LONRF3: variants seen among roughly 807,000 people sequenced by gnomAD.
LONRF3 encodes the protein LON peptidase N-terminal domain and RING finger protein 3.
LONRF3 carries 19 observed loss-of-function variants against 51.7 expected under a neutral mutation model. The observed-to-expected ratio is 0.37, with a 90% CI of 0.26 to 0.54. LONRF3 has a LOEUF of 0.54. Ranked by LOEUF, LONRF3 falls within the 20% of genes least tolerant of loss-of-function variation. LONRF3 has a pLI of 0.86. For synonymous variants in LONRF3, 265 were observed against 257.8 expected (o/e 1.03, Z -0.27); for missense variants, 521 against 623.9 (o/e 0.84, Z 1.76).
rs138746007 is a variant in LONRF3 at position 118,988,657 on chromosome X, G to A, written c.1060-751G>A. On this transcript the variant is annotated intron_variant, in intron 3 of 10. Coordinates refer to ENST00000371628, the MANE Select transcript of LONRF3 (RefSeq NM_001031855.3). ...ACCTATGGACTATGGGTTTAGATTA[G>A]AGAGGGGTTCTCCATGTAAATCTGC... is the stretch of plus-strand genomic sequence containing the variant. Among the ~76,000 whole-genome samples the A allele has an allele frequency of 6.6e-4, 74 of 111,484 alleles. 1 individual carries two copies. The highest frequency in any genetic ancestry group is 2.3e-3 in the African/African-American group (69 of 30,663).
chrX:119,003,871 G>C (rs1170363357), intron 5 of LONRF3, among the ~76,000 whole-genome samples: 4 of 112,388 alleles, frequency 3.6e-5, no homozygotes, highest in African/African-American at 1.3e-4. Flanking sequence ...ACTGTTGTTA[G>C]ATTTCTTCCT....
At position 118,975,444 on chromosome X, in the gene LONRF3, C is replaced by T; in HGVS notation, c.664C>T (p.Pro222Ser). ...ARRAGQQPPPPLRVNVVLSGL... is the reference protein window; with the variant it reads ...ARRAGQQPPPSLRVNVVLSGL... ...GCGGGCTGGGCAGCAGCCGCCGCCG[C>T]CGCTGCGAGTCAACGTGGTGCTCAG... The change falls in exon 1 of 11, where the codon CCG becomes TCG. Residue 222 changes from proline to serine, a missense_variant. Physicochemically the swap from Pro to Ser is moderately conservative, Grantham distance 74 (BLOSUM62 -1). Around this residue, in one of 2 missense-constraint regions of LONRF3, gnomAD observed 376 missense variants for 376.7 expected, o/e 1.00. Transcript: ENST00000371628. The T allele has an allele frequency of 1.7e-6, 2 of 1,188,711 alleles. No individual in the cohort carries two copies. The highest frequency in any genetic ancestry group is 1.1e-6 in the Non-Finnish European group (1 of 884,484).
chrX:119,004,573 C>T (rs1924575252), intron 5 of LONRF3, among the ~76,000 whole-genome samples: 1 of 112,354 alleles, frequency 8.9e-6, no homozygotes, highest in African/African-American at 3.2e-5. Flanking sequence ...TGATGCCTGT[C>T]CTGTACACTG....
At chrX:119,016,603 C>T (rs1925481140) in intron 10 of LONRF3, among the ~76,000 whole-genome samples, 2 of 111,762 alleles carry the variant, frequency 1.8e-5, no homozygotes. Context: ...CGCTGGCCTC[C>T]CAAAGTGCTG....
chrX:118,978,617 G>A (rs1248706938), intron 2 of LONRF3, among the ~76,000 whole-genome samples, 154 bp downstream of exon 2: 1 of 111,036 alleles, frequency 9.0e-6, no homozygotes, highest in Non-Finnish European at 1.9e-5. Context: ...TGGGCAAAGA[G>A]TGACTCAGGT....
intron 8 of LONRF3, among the ~76,000 whole-genome samples, 180 bp downstream of exon 8, chrX:119,012,153 A>G (rs1925156566): frequency 9.0e-6 from 1 of 110,721 alleles, no homozygotes; most frequent in Non-Finnish European, 1.9e-5. Flanking sequence ...GAGGCTGTCT[A>G]TTTAAAGAAC....
rs1921826457 is a variant in LONRF3 at position 118,974,630 on chromosome X, G to A, written c.-151G>A. The A allele has an allele frequency of 4.3e-6, 2 of 468,741 alleles. No individual in the cohort carries two copies. Among genetic ancestry groups the A allele is most frequent in the South Asian group, 3.4e-5 (1 of 29,744 alleles). 38.6% of individuals were successfully genotyped at this position (468,741 alleles called of 1,213,427 possible). Reference sequence around the variant, plus strand: ...AGACAAGACAGTTATTAGGCGGCGCGGGGCGGCCGGCATGGAGCTCCCGGA... The same window carrying A: ...AGACAAGACAGTTATTAGGCGGCGCAGGGCGGCCGGCATGGAGCTCCCGGA... On this transcript the variant is annotated 5_prime_UTR_variant, in exon 1 of 11. Transcript: ENST00000371628.
At chrX:119,008,933 C>T (rs1217039012) in intron 6 of LONRF3, among the ~76,000 whole-genome samples, 193 bp from the exon 7 acceptor site, 1 of 111,721 alleles carries the variant, frequency 9.0e-6, no homozygotes, top group Non-Finnish European at 1.9e-5. Context: ...TAATCAATTG[C>T]ATGTGTGTTT....
At chrX:119,004,418 A>G (rs1308973968) in intron 5 of LONRF3, among the ~76,000 whole-genome samples, 2 of 112,459 alleles carry the variant, frequency 1.8e-5, no homozygotes, top group African/African-American at 3.2e-5. Context: ...TTCACAATGT[A>G]TGGGTTTTTT....
chrX:119,013,432 T>C (rs1455113820), intron 9 of LONRF3, among the ~76,000 whole-genome samples: 1 of 112,401 alleles, frequency 8.9e-6, no homozygotes, highest in Admixed American at 9.4e-5. Flanking sequence ...GCATAGGAAA[T>C]GTTATCCTAG....
intron 5 of LONRF3, among the ~76,000 whole-genome samples, chrX:119,005,144 ACT>A (rs1011597457): frequency 8.1e-5 from 9 of 110,973 alleles, no homozygotes; most frequent in Admixed American, 2.9e-4. Context: ...GCAGCCTCTG[ACT>A]CTCCACTGAA....
Position 118,983,549 on chromosome X carries a change from A to G in LONRF3, c.1059+606A>G, listed in dbSNP as rs907797. 7.1e-5 allele frequency among the ~76,000 whole-genome samples: 8 copies of G among 112,768 alleles called. No individual in the cohort carries two copies. The Admixed American group carries it at 7.5e-4, about 11-fold the overall frequency. ...CTCTTGGGTCCCAGCAGAATGTGGT[A>G]GTTATAAAAGAAAAATGGTGTGAAA... On this transcript the variant is annotated intron_variant, in intron 3 of 10. Coordinates refer to ENST00000371628, the MANE Select transcript of LONRF3 (RefSeq NM_001031855.3).
chrX:118,979,099 C>T (rs1922340390), intron 2 of LONRF3, among the ~76,000 whole-genome samples: 1 of 104,026 alleles, frequency 9.6e-6, no homozygotes, highest in Admixed American at 1.0e-4. Flanking sequence ...CTCCTGGGTT[C>T]ACGCCATTCT....
intron 9 of LONRF3, 113 bp downstream of exon 9, chrX:119,013,314 C>A: frequency 2.6e-6 from 2 of 770,688 alleles, no homozygotes; most frequent in Non-Finnish European, 3.7e-6. Flanking sequence ...GGATTTCACA[C>A]CAAATTGCTG....
At position 118,989,435 on chromosome X, in the gene LONRF3, A is replaced by G. The variant is rs1262605961; in HGVS notation, c.1087A>G (p.Ser363Gly). Residue 363 changes from serine (S) to glycine (G), a missense_variant, in exon 4 of 11, where the codon AGT becomes GGT. By Grantham distance (56) the Ser-to-Gly change is moderately conservative. Around this residue, in one of 2 missense-constraint regions of LONRF3, gnomAD observed 376 missense variants for 376.7 expected, o/e 1.00. Coordinates refer to ENST00000371628, the MANE Select transcript of LONRF3 (RefSeq NM_001031855.3). ...CAATCTGGAGCTCCCACATTGTTCT[A>G]GTCAGGAGGAAGCAGCAGCCAGGGG... ...RDNLELPHCSSQEEAAARGDG... is the reference protein window; with the variant it reads ...RDNLELPHCSGQEEAAARGDG... 4 of 1,210,925 alleles carry G rather than the reference A, an allele frequency of 3.3e-6. No individual in the cohort carries two copies. The highest frequency in any genetic ancestry group is 4.5e-6 in the Non-Finnish European group (4 of 895,136).
Position 118,974,740 on chromosome X carries a change from C to CG in LONRF3, c.-39dup. Reference sequence around the variant, plus strand: ...GCTGCCACTCCTTGCTTCGTGTCCCCGGTCCCTAGACGCCTCGTCTCCTCC... The same window carrying CG: ...GCTGCCACTCCTTGCTTCGTGTCCCCGGGTCCCTAGACGCCTCGTCTCCTCC... On this transcript the variant is annotated 5_prime_UTR_variant, in exon 1 of 11. An upstream open reading frame in the 5' UTR loses its in-frame stop. Coordinates refer to ENST00000371628, the MANE Select transcript of LONRF3 (RefSeq NM_001031855.3). 3 of 1,081,938 alleles carry CG rather than the reference C, an allele frequency of 2.8e-6. No individual in the cohort carries two copies. Among genetic ancestry groups the CG allele is most frequent in the Non-Finnish European group, 3.7e-6 (3 of 811,386 alleles). The allele number at this position is 1,081,938 out of a possible 1,213,427, so 89.2% of individuals were successfully genotyped here. A position where few individuals can be genotyped will look rare whatever the true frequency, so the allele number is the denominator to read the frequency against.
At chrX:118,995,493 G>A (rs1923801352) in intron 5 of LONRF3, among the ~76,000 whole-genome samples, 2 of 111,898 alleles carry the variant, frequency 1.8e-5, no homozygotes, top group African/African-American at 6.5e-5. Context: ...ACCAAGATCA[G>A]AGCAGAACTA....
At chrX:118,980,678 A>G (rs376265343) in intron 2 of LONRF3, among the ~76,000 whole-genome samples, 26 of 111,433 alleles carry the variant, frequency 2.3e-4, no homozygotes, top group African/African-American at 8.2e-4. Flanking sequence ...CTTAACCCAA[A>G]GGAGCTTTAG....
rs748101156 is a variant in LONRF3, at chrX:118,982,898, A to G, written c.1014A>G (p.Val338=). 7 of 1,210,900 alleles carry G rather than the reference A, an allele frequency of 5.8e-6. No homozygotes were observed. The highest frequency in any genetic ancestry group is 3.0e-5 in the East Asian group (1 of 33,830). ...EEALREFLYC[V]SLDGKNKRAR... is the part of the protein sequence containing the mutation. ...CACTAAGGGAGTTTCTCTACTGTGT[A>G]TCCCTTGATGGAAAGAACAAGAGAG... The change falls in exon 3 of 11, where the codon GTA becomes GTG. Residue 338 remains valine (V), a synonymous_variant. Transcript: ENST00000371628.
Sources: allele counts gnomAD v4.1 joint callset (sites outside exome capture counted in the v4.1 genomes callset), GRCh38; gene constraint gnomAD v4.1.1; regional missense constraint gnomAD v4.1.1; transcripts MANE v1.5; gene names NCBI Gene and HGNC (gene_info 2026-07-23, HGNC 2026-07-21).